The following OPCML variants were observed in gnomAD, a reference collection of about 807,000 sequenced individuals.
OPCML encodes the protein opioid-binding protein/cell adhesion molecule.
Under a neutral mutation model 37.8 loss-of-function variants are expected in OPCML, and 13 were observed. The ratio of observed to expected loss-of-function variants is 0.34; its 90% CI spans 0.22 to 0.55. The LOEUF (loss-of-function observed/expected upper bound fraction) is 0.55. Ranked by LOEUF, OPCML falls within the 20% of genes least tolerant of loss-of-function variation. The probability of loss-of-function intolerance (pLI) is 0.91; values close to 1 mark genes in which losing one functional copy is unlikely to be tolerated. For synonymous variants in OPCML, 176 were observed against 168.8 expected (o/e 1.04, Z -0.33); for missense variants, 341 against 435.6 (o/e 0.78, Z 1.93).
chr11:132,461,407 A>T (rs149426194), intron 4 of OPCML, among the ~76,000 whole-genome samples: 1 of 152,210 alleles, frequency 6.6e-6, no homozygotes, highest in African/African-American at 2.4e-5. Context: ...GGAAAGGGGA[A>T]CACATGGAGG....
intron 5 of OPCML, 92 bp downstream of exon 5, chr11:132,437,130 T>A: frequency 1.3e-6 from 2 of 1,534,368 alleles, no homozygotes; most frequent in Non-Finnish European, 1.8e-6. Flanking sequence ...GGAACCTGGG[T>A]CCTTTGGAAA....
intron 1 of OPCML, among the ~76,000 whole-genome samples, chr11:133,221,646 C>G (rs1370271645): frequency 6.6e-6 from 1 of 152,046 alleles, no homozygotes; most frequent in Non-Finnish European, 1.5e-5. Flanking sequence ...GAGGGGTGCA[C>G]GGGGAGGAGG....
intron 2 of OPCML, among the ~76,000 whole-genome samples, chr11:132,873,576 G>A (rs910342895): frequency 2.7e-4 from 41 of 152,252 alleles, no homozygotes; most frequent in African/African-American, 9.9e-4. Context: ...AGATAAGGTA[G>A]CAGGGCTTAG....
chr11:132,426,463 C>G (rs764265140), intron 7 of OPCML, among the ~76,000 whole-genome samples: 3 of 151,808 alleles, frequency 2.0e-5, no homozygotes, highest in African/African-American at 7.3e-5. Context: ...TTTTAGAGAC[C>G]GAGTCTCACT....
chr11:132,891,953 G>T (rs1358563324), intron 2 of OPCML, among the ~76,000 whole-genome samples: 2 of 124,254 alleles, frequency 1.6e-5, no homozygotes, highest in African/African-American at 6.8e-5. Context: ...CCTATACCTG[G>T]GCTCCGTTCC....
chr11:133,317,126 G>A (rs1255142397), intron 1 of OPCML, among the ~76,000 whole-genome samples: 1 of 152,188 alleles, frequency 6.6e-6, no homozygotes, highest in Non-Finnish European at 1.5e-5. Context: ...TGAACCCAGA[G>A]GCGGAGGTTG....
intron 2 of OPCML, among the ~76,000 whole-genome samples, chr11:132,818,608 T>A (rs1591650521): frequency 1.5e-5 from 2 of 129,192 alleles, no homozygotes; most frequent in East Asian, 2.2e-4. Context: ...GATAGATAGA[T>A]GATAGATAGA....
chr11:132,755,008 T>C (rs1200159463), intron 2 of OPCML, among the ~76,000 whole-genome samples: 2 of 152,188 alleles, frequency 1.3e-5, no homozygotes, highest in Admixed American at 1.3e-4. Context: ...TTCGAAAGTT[T>C]CCTTACAGAC....
At chr11:132,539,944 G>A (rs1033216373) in intron 3 of OPCML, among the ~76,000 whole-genome samples, 2 of 151,932 alleles carry the variant, frequency 1.3e-5, no homozygotes, top group African/African-American at 4.8e-5. Context: ...GATGATGATT[G>A]TGGTAGTGAT....
chr11:133,519,767 G>C (rs542352544), intron 1 of OPCML, among the ~76,000 whole-genome samples: 20 of 152,196 alleles, frequency 1.3e-4, no homozygotes, highest in African/African-American at 4.6e-4. Flanking sequence ...GGCTTCTCCC[G>C]CACCTCTAAT....
At chr11:133,448,249 A>C (rs1208662333) in intron 1 of OPCML, among the ~76,000 whole-genome samples, 1 of 152,204 alleles carries the variant, frequency 6.6e-6, no homozygotes, top group Non-Finnish European at 1.5e-5. Flanking sequence ...ATCATTTTGC[A>C]TGTGGATATT....
chr11:133,062,946 C>T (rs932978084), intron 1 of OPCML, among the ~76,000 whole-genome samples: 1 of 152,272 alleles, frequency 6.6e-6, no homozygotes, highest in Admixed American at 6.5e-5. Context: ...TGAGGTACCT[C>T]TGCAAGACAC....
intron 1 of OPCML, among the ~76,000 whole-genome samples, chr11:133,073,416 G>A (rs1246975871): frequency 6.6e-6 from 1 of 152,236 alleles, no homozygotes; most frequent in Non-Finnish European, 1.5e-5. Flanking sequence ...CTGAAGAGGA[G>A]CAGTGCCAAA....
intron 1 of OPCML, among the ~76,000 whole-genome samples, chr11:133,265,425 C>A (rs1463645098): frequency 6.6e-6 from 1 of 152,172 alleles, no homozygotes; most frequent in Non-Finnish European, 1.5e-5. Flanking sequence ...GTCTGATGGG[C>A]ATTTCTATCT....
chr11:133,412,129 G>A (rs1214011580), intron 1 of OPCML, among the ~76,000 whole-genome samples: 1 of 152,204 alleles, frequency 6.6e-6, no homozygotes, highest in Non-Finnish European at 1.5e-5. Context: ...AAATCCCAAG[G>A]TGTGATGAAT....
chr11:133,201,358 T>C (rs1298764944), intron 1 of OPCML, among the ~76,000 whole-genome samples: 1 of 152,080 alleles, frequency 6.6e-6, no homozygotes, highest in East Asian at 1.9e-4. Context: ...GTATATTTTA[T>C]GCCTTTTAGT....
chr11:132,452,334 G>C (rs940533691), intron 4 of OPCML, among the ~76,000 whole-genome samples: 1 of 152,136 alleles, frequency 6.6e-6, no homozygotes. Context: ...AAGGTCCAAA[G>C]CTTGGGTTTG....
At chr11:133,362,447 G>A (rs1159174243) in intron 1 of OPCML, among the ~76,000 whole-genome samples, 1 of 152,176 alleles carries the variant, frequency 6.6e-6, no homozygotes, top group Non-Finnish European at 1.5e-5. Flanking sequence ...CCACCACCCA[G>A]GGAGCAGTGC....
intron 2 of OPCML, among the ~76,000 whole-genome samples, chr11:132,734,056 A>C (rs1360111137): frequency 6.6e-6 from 1 of 152,218 alleles, no homozygotes; most frequent in African/African-American, 2.4e-5. Flanking sequence ...AATAACATTT[A>C]TCTCAGAGTG....
Sources: allele counts gnomAD v4.1 joint callset (sites outside exome capture counted in the v4.1 genomes callset), GRCh38; gene constraint gnomAD v4.1.1; transcripts MANE v1.5; gene names NCBI Gene and HGNC (gene_info 2026-07-23, HGNC 2026-07-21).